ARL15: variants seen among roughly 807,000 people sequenced by gnomAD.
The protein encoded by ARL15 is ARF like GTPase 15.
In ARL15, 19 loss-of-function variants were observed where a neutral mutation model predicts 25.2. The ratio of observed to expected loss-of-function variants is 0.75; its 90% confidence interval spans 0.53 to 1.10. The LOEUF is 1.10. ARL15 is among the 50% of genes least tolerant of loss of function. ARL15 has a pLI of 0.00. For synonymous variants in ARL15, 94 were observed against 86.8 expected (o/e 1.08, Z -0.46); for missense variants, 220 against 246.0 (o/e 0.89, Z 0.71).
chr5:54,008,970 A>G (rs1490808847), intron 4 of ARL15, among the ~76,000 whole-genome samples: 2 of 152,184 alleles, frequency 1.3e-5, no homozygotes, highest in Non-Finnish European at 2.9e-5. Flanking sequence ...GACACTAGAA[A>G]TTATTTCTAT....
At chr5:53,968,832 T>G (rs1747648663) in intron 4 of ARL15, among the ~76,000 whole-genome samples, 1 of 151,944 alleles carries the variant, frequency 6.6e-6, no homozygotes, top group South Asian at 2.1e-4. Flanking sequence ...TTAAACACAT[T>G]TTTTGTTACC....
chr5:54,076,529 TTC>T (rs1191250542), intron 4 of ARL15, among the ~76,000 whole-genome samples: 6 of 152,194 alleles, frequency 3.9e-5, no homozygotes, highest in Admixed American at 3.9e-4. Flanking sequence ...ATTAAATCCT[TTC>T]TGATAAACTA....
At chr5:53,921,360 T>C (rs1423575342) in intron 4 of ARL15, among the ~76,000 whole-genome samples, 1 of 152,172 alleles carries the variant, frequency 6.6e-6, no homozygotes, top group South Asian at 2.1e-4. Context: ...AGTATGTAAG[T>C]ACAAAAACCT....
intron 3 of ARL15, among the ~76,000 whole-genome samples, chr5:54,129,598 G>A (rs754744065): frequency 7.2e-5 from 11 of 152,266 alleles, no homozygotes; most frequent in Middle Eastern, 3.4e-3. Context: ...GCATGCAATA[G>A]CCACCCACTT....
chr5:53,974,849 C>T (rs1315884200), intron 4 of ARL15, among the ~76,000 whole-genome samples: 1 of 152,108 alleles, frequency 6.6e-6, no homozygotes, highest in African/African-American at 2.4e-5. Context: ...GTATCCAAGA[C>T]CTAGGAGAGA....
chr5:54,048,111 A>C (rs988991192), intron 4 of ARL15: 2 of 151,908 alleles, frequency 1.3e-5, no homozygotes, highest in African/African-American at 4.8e-5. Flanking sequence ...TCTATTTCCA[A>C]CCTGGGCCAG....
At chr5:53,908,548 G>C (rs1302243988) in intron 4 of ARL15, among the ~76,000 whole-genome samples, 1 of 152,120 alleles carries the variant, frequency 6.6e-6, no homozygotes, top group African/African-American at 2.4e-5. Flanking sequence ...ATTTCAGAAA[G>C]GTCTCAGAAC....
intron 1 of ARL15, among the ~76,000 whole-genome samples, chr5:54,211,172 A>G (rs1427633560): frequency 6.6e-6 from 1 of 152,204 alleles, no homozygotes; most frequent in African/African-American, 2.4e-5. Flanking sequence ...TTTGTTTGGT[A>G]TGCACAAAGT....
At chr5:54,284,564 C>T (rs986183720) in intron 1 of ARL15, among the ~76,000 whole-genome samples, 5 of 152,220 alleles carry the variant, frequency 3.3e-5, no homozygotes, top group African/African-American at 1.2e-4. Context: ...TGAGCTTTAT[C>T]TTTTAAGGAG....
intron 1 of ARL15, among the ~76,000 whole-genome samples, chr5:54,238,770 T>C (rs1219308620): frequency 1.3e-5 from 2 of 152,240 alleles, no homozygotes; most frequent in Non-Finnish European, 2.9e-5. Flanking sequence ...TCAACTCATT[T>C]CATGAGCTAA....
At chr5:53,892,318 G>T (rs1217431640) in intron 4 of ARL15, among the ~76,000 whole-genome samples, 1 of 152,224 alleles carries the variant, frequency 6.6e-6, no homozygotes, top group African/African-American at 2.4e-5. Context: ...AACTGATGGG[G>T]ATAGGTCAGC....
chr5:54,131,108 T>C (rs1753415569), intron 3 of ARL15, among the ~76,000 whole-genome samples: 1 of 152,220 alleles, frequency 6.6e-6, no homozygotes, highest in Non-Finnish European at 1.5e-5. Flanking sequence ...CCATCTCTTG[T>C]CATCACCTCT....
rs975681297 is a variant in ARL15 at position 54,102,584 on chromosome 5, A to G, written c.462+10618T>C. 5.9e-5 allele frequency among the ~76,000 whole-genome samples: 9 copies of G among 152,112 alleles called. 1 individual carries two copies. In the East Asian group the frequency reaches 1.4e-3, roughly 23 times the overall value. Reference sequence around the variant, plus strand: ...TAATGATTATTCAGTCTTCTCTTCAATGAAATATGCTAACGCCTGATGAGA... The same window carrying G: ...TAATGATTATTCAGTCTTCTCTTCAGTGAAATATGCTAACGCCTGATGAGA... On this transcript the variant is annotated intron_variant, in intron 4 of 4. Transcript: ENST00000504924.
At chr5:54,051,745 T>C (rs2111989694) in intron 4 of ARL15, among the ~76,000 whole-genome samples, 1 of 152,324 alleles carries the variant, frequency 6.6e-6, no homozygotes, top group Middle Eastern at 3.4e-3. Flanking sequence ...TGGAAGACAG[T>C]TTGGCAGTTT....
At chr5:53,971,922 T>C (rs1001710415) in intron 4 of ARL15, among the ~76,000 whole-genome samples, 1 of 152,178 alleles carries the variant, frequency 6.6e-6, no homozygotes, top group African/African-American at 2.4e-5. Context: ...AAAAGATGGA[T>C]TAGGAATCAT....
At chr5:53,947,995 C>T (rs952411118) in intron 4 of ARL15, among the ~76,000 whole-genome samples, 1 of 151,724 alleles carries the variant, frequency 6.6e-6, no homozygotes, top group Admixed American at 6.6e-5. Context: ...AATGAGACAC[C>T]AGTGGAAAAA....
At chr5:53,963,537 G>A (rs1303071514) in intron 4 of ARL15, among the ~76,000 whole-genome samples, 1 of 152,200 alleles carries the variant, frequency 6.6e-6, no homozygotes, top group Non-Finnish European at 1.5e-5. Context: ...GCTGGGCGCA[G>A]TGGCTCACGC....
At chr5:54,289,050 GC>G (rs1758254396) in intron 1 of ARL15, among the ~76,000 whole-genome samples, 5 of 152,160 alleles carry the variant, frequency 3.3e-5, no homozygotes, top group Admixed American at 3.3e-4. Flanking sequence ...GAAGAACTCA[GC>G]CCAGGCATTG....
At chr5:54,074,576 C>A (rs1235714916) in intron 4 of ARL15, among the ~76,000 whole-genome samples, 1 of 152,120 alleles carries the variant, frequency 6.6e-6, no homozygotes, top group Non-Finnish European at 1.5e-5. Context: ...CTATTGAAAT[C>A]TATGTGAGCT....
Sources: gnomAD v4.1 joint callset for allele counts (sites outside exome capture counted in the v4.1 genomes callset) on GRCh38, gnomAD v4.1.1 for gene constraint, MANE v1.5 for transcripts, NCBI Gene and HGNC (gene_info 2026-07-23, HGNC 2026-07-21) for gene names.